Variants in TENM4 observed in about 807,000 individuals in gnomAD.
TENM4 encodes the protein teneurin-4.
Under a neutral mutation model 243.3 loss-of-function variants are expected in TENM4, and 82 were observed. That is an observed-to-expected ratio of 0.34 (90% confidence interval 0.28 to 0.40). TENM4 has a LOEUF of 0.40. Ranked by LOEUF, TENM4 falls within the 10% of genes least tolerant of loss-of-function variation. TENM4 has a pLI of 1.00. For missense variants in TENM4, 3,138 were observed against 3,673.3 expected, an observed-to-expected ratio of 0.85 and a Z score of 3.77; for synonymous variants, 1,412 against 1,456.3, an observed-to-expected ratio of 0.97 and a Z score of 0.69.
chr11:79,120,584 G>A (rs1430034734), intron 4 of TENM4, among the ~76,000 whole-genome samples: 2 of 152,222 alleles, frequency 1.3e-5, no homozygotes, highest in Non-Finnish European at 2.9e-5. Flanking sequence ...CATGTCTTAT[G>A]CAACATATGT....
intron 1 of TENM4, among the ~76,000 whole-genome samples, chr11:79,367,666 A>G (rs980552738): frequency 4.6e-5 from 7 of 152,212 alleles, no homozygotes; most frequent in Admixed American, 6.5e-5. Flanking sequence ...TGCTAATCCA[A>G]TGTGTCAACA....
At chr11:79,329,678 G>A (rs1469668933) in intron 1 of TENM4, among the ~76,000 whole-genome samples, 3 of 152,154 alleles carry the variant, frequency 2.0e-5, no homozygotes, top group African/African-American at 4.8e-5. Context: ...ACAAAGCCCC[G>A]AGGCAGGAAG....
intron 1 of TENM4, among the ~76,000 whole-genome samples, chr11:79,297,797 C>T (rs1305051972): frequency 2.6e-5 from 4 of 152,126 alleles, no homozygotes; most frequent in African/African-American, 7.2e-5. Context: ...ATTCAGCCTT[C>T]CAATCATTTG....
chr11:79,138,904 T>TATATAAATATATAA (rs1862185854), intron 4 of TENM4, among the ~76,000 whole-genome samples: 1 of 108,918 alleles, frequency 9.2e-6, no homozygotes, highest in Non-Finnish European at 1.7e-5. Context: ...ATATTATATT[T>TATATAAATATATAA]CTATAAATAT....
chr11:78,877,489 C>A (rs187374946), intron 9 of TENM4, among the ~76,000 whole-genome samples: 1 of 152,140 alleles, frequency 6.6e-6, no homozygotes, highest in African/African-American at 2.4e-5. Context: ...GGAATACAAA[C>A]GAGACGGGGA....
At chr11:79,293,227 A>G (rs1019691653) in intron 2 of TENM4, among the ~76,000 whole-genome samples, 2 of 152,348 alleles carry the variant, frequency 1.3e-5, no homozygotes, top group East Asian at 3.9e-4. Context: ...AATCTTTGGC[A>G]TATTTATTAA....
At chr11:79,248,268 A>G (rs2135298107) in intron 2 of TENM4, among the ~76,000 whole-genome samples, 1 of 152,308 alleles carries the variant, frequency 6.6e-6, no homozygotes, top group South Asian at 2.1e-4. Flanking sequence ...TGTTCACTCA[A>G]TGGCCTACAT....
intron 6 of TENM4, among the ~76,000 whole-genome samples, chr11:78,919,313 G>T (rs1415972278): frequency 1.3e-5 from 2 of 152,136 alleles, no homozygotes; most frequent in African/African-American, 4.8e-5. Context: ...AACACAATTA[G>T]TAAGAGGGGG....
At chr11:79,087,847 G>A (rs1357316276) in intron 4 of TENM4, among the ~76,000 whole-genome samples, 4 of 152,228 alleles carry the variant, frequency 2.6e-5, no homozygotes, top group Admixed American at 6.5e-5. Flanking sequence ...GACAAATGCT[G>A]TGCTCCTCTA....
chr11:78,889,906 G>C lies in TENM4; in HGVS notation c.963C>G (p.Ser321Arg). The C allele has an allele frequency of 6.4e-7, 1 of 1,551,832 alleles. No homozygotes were observed. Among genetic ancestry groups the C allele is most frequent in the Non-Finnish European group, 8.7e-7 (1 of 1,147,014 alleles). The change falls in exon 9 of 34, where the codon AGC becomes AGG. Residue 321 changes from serine to arginine, a missense_variant. Ser to Arg is a moderately radical substitution (Grantham distance 110). Around this residue, in one of 2 missense-constraint regions of TENM4, gnomAD observed 671 missense variants for 614.1 expected, o/e 1.09. Coordinates refer to ENST00000278550, the MANE Select transcript of TENM4 (RefSeq NM_001098816.3). ...GGTTAAAGGCCGGCCGGGCGAAGGTGCTGCGGGGCAGGGGTCGGGGCGGAG... is the reference window on the plus strand; with the variant it reads ...GGTTAAAGGCCGGCCGGGCGAAGGTCCTGCGGGGCAGGGGTCGGGGCGGAG... ...YSPPPRPLPR[S>R]TFARPAFNLK...
chr11:78,978,347 TAAGAAAAGAA>T (rs61346145), intron 6 of TENM4, among the ~76,000 whole-genome samples: 10,691 of 137,882 alleles, frequency 0.078, 394 homozygotes, highest in Middle Eastern at 0.15. Flanking sequence ...GAACTTAAAG[TAAGAAAAGAA>T]AAGAAAAGAA....
intron 4 of TENM4, among the ~76,000 whole-genome samples, chr11:79,115,846 C>T (rs1861608063): frequency 6.6e-6 from 1 of 152,202 alleles, no homozygotes; most frequent in South Asian, 2.1e-4. Context: ...CTATCCCTCA[C>T]AGGCCAAGAT....
At chr11:79,330,498 T>C (rs1857044555) in intron 1 of TENM4, among the ~76,000 whole-genome samples, 3 of 152,156 alleles carry the variant, frequency 2.0e-5, no homozygotes, top group Admixed American at 2.0e-4. Flanking sequence ...TCACCCAGCA[T>C]TCAGCCTGGT....
At chr11:78,977,617 T>A (rs1298249686) in intron 6 of TENM4, among the ~76,000 whole-genome samples, 1 of 152,258 alleles carries the variant, frequency 6.6e-6, no homozygotes, top group Admixed American at 6.5e-5. Flanking sequence ...TCATCATTAC[T>A]GGTCATTAGA....
intron 25 of TENM4, among the ~76,000 whole-genome samples, chr11:78,718,893 T>C (rs1859583590): frequency 2.6e-5 from 4 of 152,214 alleles, no homozygotes; most frequent in Admixed American, 6.5e-5. Context: ...ATATGTTTCC[T>C]CCTTTTTTGT....
intron 1 of TENM4, among the ~76,000 whole-genome samples, chr11:79,378,279 A>G (rs1358290298): frequency 6.6e-6 from 1 of 151,940 alleles, no homozygotes; most frequent in Non-Finnish European, 1.5e-5. Context: ...GGGCCAATGG[A>G]GTAGGGGGCC....
chr11:79,173,494 T>A (rs1863094155), intron 3 of TENM4, among the ~76,000 whole-genome samples: 1 of 152,190 alleles, frequency 6.6e-6, no homozygotes, highest in Non-Finnish European at 1.5e-5. Context: ...TGGGTCAGTC[T>A]GCCTAATTCT....
intron 1 of TENM4, among the ~76,000 whole-genome samples, chr11:79,326,298 A>G (rs1427617619): frequency 3.3e-5 from 5 of 152,080 alleles, no homozygotes; most frequent in African/African-American, 1.2e-4. Flanking sequence ...ACATCAACCC[A>G]GCCCTGCCAG....
Position 78,722,917 on chromosome 11 carries a change from C to G in TENM4, c.3551G>C (p.Gly1184Ala), listed in dbSNP as rs748626873. 6.2e-7 allele frequency: 1 copy of G among 1,612,954 alleles called. No homozygotes were observed. Among genetic ancestry groups the G allele is most frequent in the Non-Finnish European group, 8.5e-7 (1 of 1,178,986 alleles). The change falls in exon 24 of 34, where the codon GGC becomes GCC. Residue 1184 changes from glycine to alanine, a missense_variant and splice_region_variant. Gly to Ala is a moderately conservative substitution (Grantham distance 60, BLOSUM62 0). Around this residue, in one of 2 missense-constraint regions of TENM4, gnomAD observed 2,467 missense variants for 3,059.1 expected, o/e 0.81. Coordinates refer to ENST00000278550, the MANE Select transcript of TENM4 (RefSeq NM_001098816.3). ...CTCCCCATTCCCTTTGTGCAGGATG[C>G]CTGGGACAAGGAAAGAACAGAATTG... is the stretch of plus-strand genomic sequence containing the variant. ...DKHHALNIQS[G>A]ILHKGNGENQ...
Sources: gnomAD v4.1 joint callset for allele counts (sites outside exome capture counted in the v4.1 genomes callset) on GRCh38, gnomAD v4.1.1 for gene constraint, gnomAD v4.1.1 regional missense constraint, MANE v1.5 for transcripts, NCBI Gene and HGNC (gene_info 2026-07-23, HGNC 2026-07-21) for gene names.